Variants in AGAP1 observed in about 807,000 individuals in gnomAD.
The protein encoded by AGAP1 is ArfGAP with GTPase domain, ankyrin repeat and PH domain 1.
A neutral mutation model predicts 105.3 loss-of-function variants in AGAP1; 29 were observed. That is an observed-to-expected ratio of 0.28 (90% confidence interval 0.21 to 0.38). AGAP1 has a LOEUF of 0.38. Among genes scored for constraint, AGAP1 ranks in the 10% least tolerant of loss-of-function variants. The pLI, the probability that AGAP1 is intolerant of heterozygous loss-of-function variation, is 1.00. For synonymous variants in AGAP1, 509 were observed against 485.9 expected, an observed-to-expected ratio of 1.05 and a Z score of -0.63; for missense variants, 998 against 1,165.1, an observed-to-expected ratio of 0.86 and a Z score of 2.09.
chr2:235,884,059 A>T (rs1424243457), intron 10 of AGAP1, among the ~76,000 whole-genome samples: 2 of 152,260 alleles, frequency 1.3e-5, no homozygotes, highest in African/African-American at 2.4e-5. Context: ...TTGATAAAAT[A>T]TAAAAAAATG....
intron 1 of AGAP1, among the ~76,000 whole-genome samples, chr2:235,528,536 C>G (rs987066208): frequency 1.3e-5 from 2 of 152,084 alleles, no homozygotes; most frequent in African/African-American, 4.8e-5. Flanking sequence ...TGGCGAGATG[C>G]TCGAGAGATT....
At position 236,104,552 on chromosome 2, in the gene AGAP1, C is replaced by T. The variant is rs1341170850; in HGVS notation, c.2115-15640C>T. ...CCACCATCAGAATCCCTTACAAAGC[C>T]ACAGCCCTCTGGCCTCTTAGAGAAT... is the stretch of plus-strand genomic sequence containing the variant. On this transcript the variant is annotated intron_variant, in intron 16 of 17. Coordinates refer to ENST00000304032, the MANE Select transcript of AGAP1 (RefSeq NM_001037131.3). The surrounding 1 kb of genome is among the most constrained non-coding windows in gnomAD (Gnocchi z 4.7). Among the ~76,000 whole-genome samples the T allele has an allele frequency of 1.3e-5, 2 of 152,210 alleles. No homozygotes were observed. Among genetic ancestry groups the T allele is most frequent in the South Asian group, 4.1e-4 (2 of 4,836 alleles).
intron 1 of AGAP1, among the ~76,000 whole-genome samples, chr2:235,539,703 A>G (rs1406886427): frequency 2.0e-5 from 3 of 152,056 alleles, no homozygotes; most frequent in African/African-American, 7.2e-5. Flanking sequence ...TTTATCAGCC[A>G]TTTGTTCTGA....
At chr2:235,804,441 A>C (rs899487257) in intron 8 of AGAP1, among the ~76,000 whole-genome samples, 1 of 152,200 alleles carries the variant, frequency 6.6e-6, no homozygotes. Flanking sequence ...TGCGAAGAGA[A>C]CTGTTTCAAT....
Position 235,905,880 on chromosome 2 carries a change from A to G in AGAP1, c.1156-2858A>G, listed in dbSNP as rs1358233137. Reference sequence around the variant, plus strand: ...CGCTTCCAGCTCTAGCTTTCCTTCCATCTAGTTTAACAGAGTTAATTCAAT... The same window carrying G: ...CGCTTCCAGCTCTAGCTTTCCTTCCGTCTAGTTTAACAGAGTTAATTCAAT... On this transcript the variant is annotated intron_variant, in intron 10 of 17. Transcript: ENST00000304032. This position sits in a 1 kb window ranked among gnomAD's most constrained non-coding sequence, Gnocchi z 4.2. 1.3e-5 allele frequency among the ~76,000 whole-genome samples: 2 copies of G among 152,112 alleles called. No homozygotes were observed. The highest frequency in any genetic ancestry group is 2.9e-5 in the Non-Finnish European group (2 of 68,014).
intron 1 of AGAP1, among the ~76,000 whole-genome samples, chr2:235,693,549 C>G (rs903434606): frequency 1.3e-5 from 2 of 152,150 alleles, no homozygotes; most frequent in Non-Finnish European, 2.9e-5. Context: ...GAAGGCATTG[C>G]GGAAAGCTCT....
intron 16 of AGAP1, among the ~76,000 whole-genome samples, chr2:236,052,523 T>A (rs568471141): frequency 1.3e-5 from 2 of 152,292 alleles, no homozygotes; most frequent in African/African-American, 4.8e-5. Context: ...TTCCAGTTAA[T>A]CTCTGCCGCC....
At chr2:235,637,358 G>A (rs1684675799) in intron 1 of AGAP1, among the ~76,000 whole-genome samples, 3 of 152,020 alleles carry the variant, frequency 2.0e-5, no homozygotes, top group Admixed American at 1.3e-4. Context: ...CTGCAGCCTC[G>A]ACCTCCTGGG....
rs896058232 is a variant in AGAP1, at chr2:235,662,272, C to T, written c.164-46907C>T. ...CAGGTAGTCACATCTTAACTTGTGG[C>T]GCGGCTTTAGAGAGTGTCTGTGCAG... On this transcript the variant is annotated intron_variant, in intron 1 of 17. Coordinates refer to ENST00000304032, the MANE Select transcript of AGAP1 (RefSeq NM_001037131.3). This position sits in a 1 kb window ranked among gnomAD's most constrained non-coding sequence, Gnocchi z 4.2. Among the ~76,000 whole-genome samples the T allele has an allele frequency of 7.2e-5, 11 of 152,262 alleles. No individual in the cohort carries two copies. The highest frequency in any genetic ancestry group is 1.9e-4 in the East Asian group (1 of 5,174).
At chr2:235,669,531 C>T (rs1419832586) in intron 1 of AGAP1, 1 of 149,422 alleles carries the variant, frequency 6.7e-6, no homozygotes, top group African/African-American at 2.4e-5. Context: ...GCTCCCGGGA[C>T]TCGGCCAGCC....
In AGAP1 at chr2:235,799,838, C is replaced by A. The variant is rs538493996; in HGVS notation, c.957+316C>A. Reference sequence around the variant, plus strand: ...CAGTGGATACAAGGAGATGACAAAACTCTAAGATTCCCAGATGTGTGTCTC... The same window carrying A: ...CAGTGGATACAAGGAGATGACAAAAATCTAAGATTCCCAGATGTGTGTCTC... On this transcript the variant is annotated intron_variant, in intron 8 of 17. Coordinates refer to ENST00000304032, the MANE Select transcript of AGAP1 (RefSeq NM_001037131.3). This position sits in a 1 kb window ranked among gnomAD's most constrained non-coding sequence, Gnocchi z 5.0. Among the ~76,000 whole-genome samples, 1 of 152,206 alleles carries A rather than the reference C, an allele frequency of 6.6e-6. No individual in the cohort carries two copies. The highest frequency in any genetic ancestry group is 1.9e-4 in the East Asian group (1 of 5,168).
At chr2:235,819,354 A>G (rs528191576) in intron 9 of AGAP1, among the ~76,000 whole-genome samples, 8 of 151,818 alleles carry the variant, frequency 5.3e-5, no homozygotes, top group African/African-American at 1.7e-4. Context: ...AGCTCAGGCA[A>G]TCCACCCACC....
intron 12 of AGAP1, among the ~76,000 whole-genome samples, chr2:235,937,859 C>G (rs2125192861): frequency 6.6e-6 from 1 of 152,362 alleles, no homozygotes; most frequent in South Asian, 2.1e-4. Flanking sequence ...AAGAGTTATT[C>G]AGCCCAAAAC....
chr2:235,592,518 T>C (rs889425653), intron 1 of AGAP1, among the ~76,000 whole-genome samples: 1 of 152,106 alleles, frequency 6.6e-6, no homozygotes, highest in Non-Finnish European at 1.5e-5. Context: ...ACTCCGGGCT[T>C]GCGGCTTGTG....
chr2:235,896,133 C>T (rs939950255), intron 10 of AGAP1, among the ~76,000 whole-genome samples: 2 of 152,198 alleles, frequency 1.3e-5, no homozygotes, highest in Admixed American at 1.3e-4. Context: ...CCCTGGCAAC[C>T]AGCATTCCAG....
rs1488474180 is a variant in AGAP1, at chr2:236,090,763, GA to G, written c.2115-29428del. On this transcript the variant is annotated intron_variant, in intron 16 of 17. Coordinates refer to ENST00000304032, the MANE Select transcript of AGAP1 (RefSeq NM_001037131.3). The surrounding 1 kb of genome is among the most constrained non-coding windows in gnomAD (Gnocchi z 4.3). The stretch of plus-strand genomic sequence containing the variant: ...TGTTTTGTTTTGTTTTTTTGAGACA[GA>G]GTTTGGTTCTTGTTGCCCAGCCTGG... Among the ~76,000 whole-genome samples, 3 of 143,304 alleles carry G rather than the reference GA, an allele frequency of 2.1e-5. No homozygotes were observed. Among genetic ancestry groups the G allele is most frequent in the Non-Finnish European group, 4.5e-5 (3 of 66,910 alleles). The allele number at this position is 143,304 out of a possible 152,430, so 94.0% of individuals were successfully genotyped here.
rs560286284 is a variant in AGAP1 at position 235,744,940 on chromosome 2, C to G, written c.538+101C>G. ...AAATGCTTTAAAGAAGGAAAAATTG[C>G]CTACTGAACGCTCACTTTTTTGGGA... On this transcript the variant is annotated intron_variant, in intron 5 of 17. Transcript: ENST00000304032. The surrounding 1 kb of genome is among the most constrained non-coding windows in gnomAD (Gnocchi z 5.2). 7.2e-7 allele frequency: 1 copy of G among 1,398,292 alleles called. No homozygotes were observed. Among genetic ancestry groups the G allele is most frequent in the East Asian group, 2.4e-5 (1 of 41,984 alleles). The allele number at this position is 1,398,292 out of a possible 1,614,324, so 86.6% of individuals were successfully genotyped here.
rs2055421082 is a variant in AGAP1, at chr2:235,988,553, T to G, written c.1645+19930T>G. Reference sequence around the variant, plus strand: ...GTTTTTCTGAGCAGTAGGTACTTAGTCAAGGCATGCAGGCGTTTCTCCTTG... The same window carrying G: ...GTTTTTCTGAGCAGTAGGTACTTAGGCAAGGCATGCAGGCGTTTCTCCTTG... On this transcript the variant is annotated intron_variant, in intron 13 of 17. Transcript: ENST00000304032. The surrounding 1 kb of genome is among the most constrained non-coding windows in gnomAD (Gnocchi z 4.7). Among the ~76,000 whole-genome samples the G allele has an allele frequency of 6.6e-6, 1 of 152,146 alleles. No individual in the cohort carries two copies. Among genetic ancestry groups the G allele is most frequent in the Admixed American group, 6.5e-5 (1 of 15,280 alleles).
chr2:235,849,245 C>T (rs745436893), intron 9 of AGAP1, among the ~76,000 whole-genome samples: 16 of 152,138 alleles, frequency 1.1e-4, no homozygotes, highest in East Asian at 1.9e-4. Flanking sequence ...CAGAAAAGGA[C>T]GAGGTCCAAC....
Sources: allele counts gnomAD v4.1 joint callset (sites outside exome capture counted in the v4.1 genomes callset), GRCh38; gene constraint gnomAD v4.1.1; non-coding constraint Gnocchi (gnomAD v3.1); transcripts MANE v1.5; gene names NCBI Gene and HGNC (gene_info 2026-07-23, HGNC 2026-07-21).